The following SLC12A8 variants were observed in gnomAD, a reference collection of about 807,000 sequenced individuals.
SLC12A8 encodes solute carrier family 12 member 8.
A neutral mutation model predicts 75.6 loss-of-function variants in SLC12A8; 69 were observed. The observed-to-expected ratio is 0.91, with a 90% CI of 0.75 to 1.11. The LOEUF (loss-of-function observed/expected upper bound fraction) is 1.11, where lower values mean the gene tolerates loss of function less well. SLC12A8 is among the 50% of genes most tolerant of loss of function. The pLI, the probability that SLC12A8 is intolerant of heterozygous loss-of-function variation, is 0.00. For missense variants in SLC12A8, 877 were observed against 896.7 expected, an observed-to-expected ratio of 0.98 and a Z score of 0.28; for synonymous variants, 365 against 372.8, an observed-to-expected ratio of 0.98 and a Z score of 0.24.
chr3:125,107,419 A>C, intron 10 of SLC12A8, 62 bp downstream of exon 10: 1 of 1,416,826 alleles, frequency 7.1e-7, no homozygotes, highest in Non-Finnish European at 9.7e-7. Context: ...ATAACTGGGT[A>C]GGTAGGATAA....
intron 5 of SLC12A8, among the ~76,000 whole-genome samples, chr3:125,176,934 A>G (rs903379677): frequency 6.6e-6 from 1 of 151,974 alleles, no homozygotes; most frequent in Non-Finnish European, 1.5e-5. Flanking sequence ...TCACGGATCT[A>G]GAACTAGAAA....
At chr3:125,148,084 A>G (rs1053644738) in intron 5 of SLC12A8, among the ~76,000 whole-genome samples, 1 of 152,228 alleles carries the variant, frequency 6.6e-6, no homozygotes, top group Non-Finnish European at 1.5e-5. Flanking sequence ...TCTATGCAGC[A>G]AATTATAGCT....
At chr3:125,190,919 T>G (rs538598148) in intron 2 of SLC12A8, among the ~76,000 whole-genome samples, 4 of 152,248 alleles carry the variant, frequency 2.6e-5, no homozygotes, top group Middle Eastern at 3.4e-3. Flanking sequence ...GCAGAAGCAA[T>G]AGATGACACT....
intron 6 of SLC12A8, among the ~76,000 whole-genome samples, chr3:125,128,479 CTTTTT>C (rs34392392): frequency 9.1e-6 from 1 of 109,830 alleles, no homozygotes; most frequent in Admixed American, 1.0e-4. Flanking sequence ...CGCGCCCGGC[CTTTTT>C]TTTTTTTTTT....
At chr3:125,155,619 A>C (rs898431481) in intron 5 of SLC12A8, among the ~76,000 whole-genome samples, 1 of 28,344 alleles carries the variant, frequency 3.5e-5, no homozygotes, top group Non-Finnish European at 1.2e-4. Flanking sequence ...AAAATACAAA[A>C]AAGTAGCTGT....
chr3:125,199,731 G>C (rs779252144), intron 2 of SLC12A8, among the ~76,000 whole-genome samples: 8 of 151,942 alleles, frequency 5.3e-5, no homozygotes, highest in Non-Finnish European at 1.2e-4. Context: ...GGGTGACAGA[G>C]CAAGACCTGG....
intron 12 of SLC12A8, among the ~76,000 whole-genome samples, chr3:125,091,121 C>T (rs1828684): frequency 0.68 from 103,572 of 152,074 alleles, 35,497 homozygotes; most frequent in East Asian, 0.9. Flanking sequence ...TACCACAATC[C>T]GCCATCAAGT....
intron 5 of SLC12A8, among the ~76,000 whole-genome samples, chr3:125,152,129 G>T (rs184876464): frequency 8.9e-4 from 136 of 152,296 alleles, no homozygotes; most frequent in Non-Finnish European, 1.6e-3. Context: ...CTCCAGAACT[G>T]CTCCAAAAAC....
At chr3:125,121,156 T>C (rs543547458) in intron 6 of SLC12A8, among the ~76,000 whole-genome samples, 1 of 152,310 alleles carries the variant, frequency 6.6e-6, no homozygotes, top group South Asian at 2.1e-4. Context: ...TCCAAGCCCC[T>C]GAGCTACCAA....
chr3:125,129,949 GT>G (rs994048011), intron 6 of SLC12A8, among the ~76,000 whole-genome samples: 1 of 152,116 alleles, frequency 6.6e-6, no homozygotes, highest in Admixed American at 6.6e-5. Flanking sequence ...CGTGACCTCT[GT>G]CGGGTCCTTC....
chr3:125,211,140 T>C (rs1179357493), intron 2 of SLC12A8, among the ~76,000 whole-genome samples, 159 bp downstream of exon 2: 9 of 152,326 alleles, frequency 5.9e-5, no homozygotes, highest in African/African-American at 2.2e-4. Flanking sequence ...GCTATAATAT[T>C]TTGGCTATAA....
intron 2 of SLC12A8, among the ~76,000 whole-genome samples, chr3:125,196,925 C>G (rs1935018909): frequency 6.6e-6 from 1 of 152,112 alleles, no homozygotes; most frequent in Non-Finnish European, 1.5e-5. Flanking sequence ...GAGACCTTGT[C>G]TCAAACAAAC....
chr3:125,093,072 T>C (rs1938626212), intron 10 of SLC12A8, among the ~76,000 whole-genome samples: 1 of 152,182 alleles, frequency 6.6e-6, no homozygotes, highest in Non-Finnish European at 1.5e-5. Context: ...CACTTATAAG[T>C]GAAGACATGA....
chr3:125,096,031 G>A (rs75686195), intron 10 of SLC12A8, among the ~76,000 whole-genome samples: 4,901 of 152,092 alleles, frequency 0.032, 201 homozygotes, highest in East Asian at 0.098. Flanking sequence ...CACTGCCCCC[G>A]CTTTCCTCAC....
chr3:125,159,814 G>A (rs1221485341), intron 5 of SLC12A8, among the ~76,000 whole-genome samples: 5 of 152,186 alleles, frequency 3.3e-5, no homozygotes, highest in Non-Finnish European at 5.9e-5. Context: ...GGCCTATGAC[G>A]GCCCCTCCAG....
At chr3:125,087,093 CTT>C (rs369422119) in intron 13 of SLC12A8, among the ~76,000 whole-genome samples, 2,379 of 131,164 alleles carry the variant, frequency 0.018, 49 homozygotes, top group African/African-American at 0.064. Flanking sequence ...ATGTATTTCA[CTT>C]TTTTTTTTTT....
intron 8 of SLC12A8, among the ~76,000 whole-genome samples, chr3:125,116,184 A>G (rs1939308512): frequency 6.6e-6 from 1 of 152,240 alleles, no homozygotes; most frequent in Admixed American, 6.5e-5. Flanking sequence ...AGTGGGAACC[A>G]GAAGACCCAG....
Position 125,091,496 on chromosome 3 carries a change from C to G in SLC12A8, c.1864G>C (p.Gly622Arg). ...IQWVYTLVNMGVAAIVYFYIG... is the reference protein window; with the variant it reads ...IQWVYTLVNMRVAAIVYFYIG... ...TAGAAATACACGATGGCAGCAACAC[C>G]CATGTTAACCAGGGTATACACCCAC... Residue 622 changes from glycine (G) to arginine (R), a missense_variant, in exon 12 of 14, where the codon GGT (glycine) becomes CGT (arginine). Physicochemically the swap from Gly to Arg is moderately radical, Grantham distance 125. Coordinates refer to ENST00000469902, the MANE Select transcript of SLC12A8 (RefSeq NM_024628.6). 6.2e-7 allele frequency: 1 copy of G among 1,613,954 alleles called. No individual in the cohort carries two copies. The highest frequency in any genetic ancestry group is 2.2e-5 in the East Asian group (1 of 44,878).
intron 5 of SLC12A8, among the ~76,000 whole-genome samples, chr3:125,147,459 T>C (rs1409196187): frequency 6.6e-6 from 1 of 152,136 alleles, no homozygotes; most frequent in Non-Finnish European, 1.5e-5. Flanking sequence ...TTGCAAGCCG[T>C]TGTGTGCCTT....
Sources: allele counts gnomAD v4.1 joint callset (sites outside exome capture counted in the v4.1 genomes callset), GRCh38; gene constraint gnomAD v4.1.1; transcripts MANE v1.5; gene names NCBI Gene and HGNC (gene_info 2026-07-23, HGNC 2026-07-21).